LRRC37A2: variants seen among roughly 807,000 people sequenced by gnomAD.
The protein encoded by LRRC37A2 is leucine rich repeat containing 37 member A2.
In LRRC37A2, 9 loss-of-function variants were observed where a neutral mutation model predicts 68.8. The ratio of observed to expected loss-of-function variants is 0.13; its 90% CI spans 0.08 to 0.23. LRRC37A2 has a LOEUF of 0.23. LRRC37A2 is among the 10% of genes least tolerant of loss of function. The pLI is 1.00. For synonymous variants in LRRC37A2, 63 were observed against 367.6 expected (o/e 0.17, Z 9.48); for missense variants, 168 against 950.4 (o/e 0.18, Z 10.82).
chr17:46,965,676 G>C, the LRRC37A2 span, among the ~76,000 whole-genome samples: 1 of 152,124 alleles, frequency 6.6e-6, no homozygotes, highest in Non-Finnish European at 1.5e-5. Context: ...AGGCTGGAGT[G>C]CACTGGTGTG....
the LRRC37A2 span, chr17:46,936,863 T>TA: frequency 6.1e-6 from 6 of 980,938 alleles, no homozygotes; most frequent in East Asian, 2.3e-4. Flanking sequence ...GGCTTCTTAA[T>TA]TGCTTTCTGG....
At chr17:46,752,753 G>A in the LRRC37A2 span, among the ~76,000 whole-genome samples, 1 of 152,130 alleles carries the variant, frequency 6.6e-6, no homozygotes, top group Admixed American at 6.5e-5. Context: ...ACTATGCCTG[G>A]CCCTCGGTAA....
At chr17:46,773,662 C>T in the LRRC37A2 span, 4 of 1,224,960 alleles carry the variant, frequency 3.3e-6, no homozygotes, top group East Asian at 9.7e-5. Context: ...AGCCCCAAGG[C>T]AGTACCTTTG....
chr17:46,767,542 C>T, the LRRC37A2 span, among the ~76,000 whole-genome samples: 1 of 152,130 alleles, frequency 6.6e-6, no homozygotes. Flanking sequence ...TGCCCTTCAC[C>T]ACCATCACCA....
At chr17:46,929,114 C>T in the LRRC37A2 span, among the ~76,000 whole-genome samples, 1 of 152,272 alleles carries the variant, frequency 6.6e-6, no homozygotes, top group East Asian at 1.9e-4. Context: ...TGGTACAGGC[C>T]AGTGCTTAGC....
chr17:46,961,037 A>C, the LRRC37A2 span, among the ~76,000 whole-genome samples: 1 of 152,194 alleles, frequency 6.6e-6, no homozygotes, highest in Non-Finnish European at 1.5e-5. Context: ...AGTTTAAAAA[A>C]AACAAGGTGG....
At chr17:46,500,847 T>C in the LRRC37A2 span, among the ~76,000 whole-genome samples, 1 of 151,158 alleles carries the variant, frequency 6.6e-6, no homozygotes, top group East Asian at 1.9e-4. Flanking sequence ...TTTCTCAAAG[T>C]ATGGTTCCCC....
the LRRC37A2 span, chr17:46,936,602 G>A: frequency 3.0e-6 from 3 of 985,456 alleles, no homozygotes; most frequent in Admixed American, 6.1e-5. Context: ...CTAGGCTGAA[G>A]CACTCTGATG....
At chr17:46,896,438 G>GAA in the LRRC37A2 span, among the ~76,000 whole-genome samples, 118 of 102,802 alleles carry the variant, frequency 1.1e-3, no homozygotes, top group African/African-American at 8.7e-3. Flanking sequence ...AAGAAAGAAA[G>GAA]AAAGAAAGAA....
At chr17:46,848,851 G>A in the LRRC37A2 span, among the ~76,000 whole-genome samples, 1 of 152,180 alleles carries the variant, frequency 6.6e-6, no homozygotes, top group African/African-American at 2.4e-5. Context: ...TCTGTGCAAT[G>A]GAGTTATGAT....
At chr17:46,939,084 G>C in the LRRC37A2 span, 1 of 1,216,248 alleles carries the variant, frequency 8.2e-7, no homozygotes, top group Non-Finnish European at 1.0e-6. Context: ...CCCTGGGAAG[G>C]TGTCCACAGT....
chr17:46,500,130 C>T, the LRRC37A2 span, among the ~76,000 whole-genome samples: 1 of 149,564 alleles, frequency 6.7e-6, no homozygotes, highest in Admixed American at 6.7e-5. Flanking sequence ...AGTTCATTGA[C>T]AAATTTTGTT....
At chr17:46,896,216 C>T in the LRRC37A2 span, among the ~76,000 whole-genome samples, 2 of 151,704 alleles carry the variant, frequency 1.3e-5, no homozygotes, top group Admixed American at 6.6e-5. Context: ...ATCACTTGAA[C>T]CCGGGAGACG....
the LRRC37A2 span, chr17:46,876,566 G>C: frequency 1.2e-6 from 2 of 1,613,684 alleles, no homozygotes; most frequent in Non-Finnish European, 1.7e-6. Flanking sequence ...GTGCTCCCGG[G>C]AGGCCAGCTG....
chr17:47,040,021 G>A, the LRRC37A2 span, among the ~76,000 whole-genome samples: 2 of 151,726 alleles, frequency 1.3e-5, no homozygotes, highest in African/African-American at 4.8e-5. Context: ...CCTTTTTATG[G>A]TTTCTATCTC....
At chr17:47,001,003 G>C in the LRRC37A2 span, among the ~76,000 whole-genome samples, 2 of 152,258 alleles carry the variant, frequency 1.3e-5, no homozygotes, top group South Asian at 2.1e-4. Flanking sequence ...GGGCGGGGTG[G>C]TGGGCACCTG....
the LRRC37A2 span, among the ~76,000 whole-genome samples, chr17:46,418,093 G>C: frequency 7.1e-6 from 1 of 141,820 alleles, no homozygotes; most frequent in Non-Finnish European, 1.5e-5. Flanking sequence ...TGATGACTCA[G>C]CTCAGTGGAG....
At chr17:47,032,940 G>A in the LRRC37A2 span, among the ~76,000 whole-genome samples, 8 of 152,146 alleles carry the variant, frequency 5.3e-5, no homozygotes, top group African/African-American at 1.7e-4. Flanking sequence ...GCTCACAGCT[G>A]GGCATGGTGG....
chr17:46,494,702 A>G, the LRRC37A2 span, among the ~76,000 whole-genome samples: 70,433 of 145,092 alleles, frequency 0.49, 17,050 homozygotes, highest in South Asian at 0.68. Context: ...TGTTTCCTTA[A>G]GGTAGAGTGT....
Sources: allele counts gnomAD v4.1 joint callset (sites outside exome capture counted in the v4.1 genomes callset), GRCh38; gene constraint gnomAD v4.1.1; transcripts MANE v1.5; gene names NCBI Gene and HGNC (gene_info 2026-07-23, HGNC 2026-07-21).